The following NCKAP5 variants were observed in gnomAD, a reference collection of about 807,000 sequenced individuals.
NCKAP5 encodes nck-associated protein 5.
Under a neutral mutation model 167.0 loss-of-function variants are expected in NCKAP5, and 92 were observed. That is an observed-to-expected ratio of 0.55 (90% CI 0.47 to 0.66). NCKAP5 has a LOEUF of 0.66. NCKAP5 is among the 30% of genes least tolerant of loss of function. NCKAP5 has a pLI of 0.00. For missense variants in NCKAP5, 2,378 were observed against 2,315.0 expected, an observed-to-expected ratio of 1.03 and a Z score of -0.56; for synonymous variants, 891 against 877.4, an observed-to-expected ratio of 1.02 and a Z score of -0.27.
At chr2:132,802,104 G>A (rs535046907) in intron 11 of NCKAP5, among the ~76,000 whole-genome samples, 18 of 152,110 alleles carry the variant, frequency 1.2e-4, no homozygotes, top group Non-Finnish European at 2.2e-4. Context: ...GCCAAATATC[G>A]GCACAAAAGA....
chr2:132,787,116 A>G (rs568324046), intron 13 of NCKAP5, among the ~76,000 whole-genome samples: 102 of 152,240 alleles, frequency 6.7e-4, no homozygotes, highest in African/African-American at 2.3e-3. Flanking sequence ...TTGGGAGACC[A>G]AGGCAGGTGG....
chr2:133,279,117 T>G (rs1271067320), intron 4 of NCKAP5, among the ~76,000 whole-genome samples: 1 of 152,204 alleles, frequency 6.6e-6, no homozygotes, highest in Non-Finnish European at 1.5e-5. Context: ...AGCAAAACTC[T>G]ATTTTCATTT....
Position 132,785,665 on chromosome 2 carries a change from AC to A in NCKAP5, c.1145del (p.Ser382MetfsTer24). 1.3e-6 allele frequency: 2 copies of A among 1,514,694 alleles called. No individual in the cohort carries two copies. The highest frequency in any genetic ancestry group is 1.8e-6 in the Non-Finnish European group (2 of 1,133,858). 93.8% of individuals were successfully genotyped at this position (1,514,694 alleles called of 1,614,324 possible). A position where few individuals can be genotyped will look rare whatever the true frequency, so the allele number is the denominator to read the frequency against. ...KRLSIDSSLP[S>X]GFASPTNELP... The stretch of plus-strand genomic sequence containing the variant: ...GTTCATTTGTAGGACTAGCAAAGCC[AC>A]TTGGGAGCGAAGAATCAATACTTAG... On this transcript the variant is annotated frameshift_variant, in exon 14 of 20. Coordinates refer to ENST00000409261, the MANE Select transcript of NCKAP5 (RefSeq NM_207363.3). LOFTEE classifies it high-confidence loss of function.
intron 5 of NCKAP5, among the ~76,000 whole-genome samples, chr2:133,199,166 C>G (rs1318758934): frequency 2.6e-5 from 4 of 151,868 alleles, no homozygotes; most frequent in Non-Finnish European, 5.9e-5. Context: ...TAGAAGAAAA[C>G]ACAAAACAAT....
intron 16 of NCKAP5, among the ~76,000 whole-genome samples, chr2:132,737,700 G>T (rs1223508185): frequency 6.6e-6 from 1 of 152,174 alleles, no homozygotes; most frequent in Non-Finnish European, 1.5e-5. Context: ...CATTATAGGG[G>T]TGCTTTGAGG....
the NCKAP5 span, among the ~76,000 whole-genome samples, chr2:133,650,216 A>C: frequency 1.3e-5 from 2 of 152,204 alleles, no homozygotes; most frequent in Non-Finnish European, 2.9e-5. Flanking sequence ...ATTGAATAGG[A>C]TACAAACAAA....
At chr2:133,192,803 G>A (rs1410163648) in intron 5 of NCKAP5, among the ~76,000 whole-genome samples, 1 of 152,096 alleles carries the variant, frequency 6.6e-6, no homozygotes. Flanking sequence ...TACATTGTTG[G>A]TAGGAATGTC....
chr2:133,369,035 C>T (rs1424824184), intron 3 of NCKAP5, among the ~76,000 whole-genome samples: 1 of 152,094 alleles, frequency 6.6e-6, no homozygotes, highest in Non-Finnish European at 1.5e-5. Context: ...TCTGCATATG[C>T]TAGAGAGTAG....
chr2:133,415,488 G>A (rs1473111341), intron 3 of NCKAP5, among the ~76,000 whole-genome samples: 1 of 152,198 alleles, frequency 6.6e-6, no homozygotes, highest in Non-Finnish European at 1.5e-5. Context: ...GCCTGTGATA[G>A]CCAGCTGGCA....
the NCKAP5 span, among the ~76,000 whole-genome samples, chr2:133,659,356 G>C: frequency 3.3e-5 from 5 of 152,126 alleles, no homozygotes; most frequent in Non-Finnish European, 1.5e-5. Flanking sequence ...ATGGACCACA[G>C]ATGTAAACAT....
At chr2:133,047,676 T>C (rs917089643) in intron 6 of NCKAP5, among the ~76,000 whole-genome samples, 1 of 152,194 alleles carries the variant, frequency 6.6e-6, no homozygotes, top group Non-Finnish European at 1.5e-5. Context: ...ATTTTAATTG[T>C]TTAAAATTTG....
intron 6 of NCKAP5, among the ~76,000 whole-genome samples, chr2:133,050,452 C>T (rs769658313): frequency 7.2e-5 from 11 of 152,056 alleles, no homozygotes; most frequent in African/African-American, 2.4e-4. Flanking sequence ...AAACTTTGCA[C>T]GATTTGAAAT....
intron 3 of NCKAP5, among the ~76,000 whole-genome samples, chr2:133,483,039 G>T (rs1680591046): frequency 6.6e-6 from 1 of 152,154 alleles, no homozygotes; most frequent in South Asian, 2.1e-4. Context: ...AAATGGGTTA[G>T]ATTCATACTG....
At chr2:133,367,159 C>T (rs946511943) in intron 3 of NCKAP5, among the ~76,000 whole-genome samples, 10 of 152,128 alleles carry the variant, frequency 6.6e-5, no homozygotes, top group Non-Finnish European at 8.8e-5. Flanking sequence ...ACAACAAAAC[C>T]CTTCCCAGCC....
chr2:132,794,690 T>C lies in NCKAP5; in HGVS notation c.909+1938A>G, dbSNP rs577658663. ...ACACACACACACACACACATACACA[T>C]GTGTCTTGGCTCTTCAACTAAGCCA... On this transcript the variant is annotated intron_variant, in intron 12 of 19. Coordinates refer to ENST00000409261, the MANE Select transcript of NCKAP5 (RefSeq NM_207363.3). Among the ~76,000 whole-genome samples, 315 of 111,600 alleles carry C rather than the reference T, an allele frequency of 2.8e-3. 3 individuals are homozygous for C. Among genetic ancestry groups the C allele is most frequent in the Middle Eastern group, 0.011 (2 of 184 alleles). 73.2% of individuals were successfully genotyped at this position (111,600 alleles called of 152,430 possible).
At chr2:133,398,447 G>C (rs113627891) in intron 3 of NCKAP5, among the ~76,000 whole-genome samples, 4 of 152,172 alleles carry the variant, frequency 2.6e-5, no homozygotes, top group South Asian at 2.1e-4. Context: ...ATAAACCTTA[G>C]AGTGGTGCAT....
At chr2:132,929,348 A>G (rs1696179965) in intron 8 of NCKAP5, among the ~76,000 whole-genome samples, 1 of 152,230 alleles carries the variant, frequency 6.6e-6, no homozygotes, top group Admixed American at 6.5e-5. Flanking sequence ...TGTTTGATGC[A>G]GAATATTCTC....
intron 11 of NCKAP5, among the ~76,000 whole-genome samples, chr2:132,828,326 G>T (rs1038131032): frequency 2.0e-5 from 3 of 152,152 alleles, no homozygotes; most frequent in African/African-American, 7.2e-5. Context: ...TGTTGGAGGA[G>T]GGGCCTGGTG....
intron 8 of NCKAP5, among the ~76,000 whole-genome samples, chr2:132,949,543 C>T (rs1160655277): frequency 1.3e-5 from 2 of 152,216 alleles, no homozygotes; most frequent in Non-Finnish European, 2.9e-5. Context: ...GCCCCTTCCT[C>T]TGTCTCCAGA....
Sources: allele counts gnomAD v4.1 joint callset (sites outside exome capture counted in the v4.1 genomes callset), GRCh38; gene constraint gnomAD v4.1.1; transcripts MANE v1.5; gene names NCBI Gene and HGNC (gene_info 2026-07-23, HGNC 2026-07-21).